ELMO1: variants seen among roughly 807,000 people sequenced by gnomAD.
The protein encoded by ELMO1 is engulfment and cell motility 1, also known as engulfment and cell motility protein 1.
ELMO1 carries 26 observed loss-of-function variants against 98.9 expected under a neutral mutation model. The observed-to-expected ratio is 0.26, with a 90% CI of 0.19 to 0.36. The LOEUF is 0.36. Ranked by LOEUF, ELMO1 falls within the 10% of genes least tolerant of loss-of-function variation. The probability of loss-of-function intolerance (pLI) is 1.00; values close to 1 mark genes in which losing one functional copy is unlikely to be tolerated. For synonymous variants in ELMO1, 346 were observed against 346.0 expected, an observed-to-expected ratio of 1.00 and a Z score of 0.00; for missense variants, 627 against 935.2, an observed-to-expected ratio of 0.67 and a Z score of 4.30.
At chr7:37,378,230 G>C (rs977988200) in intron 1 of ELMO1, among the ~76,000 whole-genome samples, 3 of 152,192 alleles carry the variant, frequency 2.0e-5, no homozygotes, top group Admixed American at 6.5e-5. Context: ...AGCTGAGCTT[G>C]GGAGTGAACT....
chr7:36,964,203 C>T (rs563096212), intron 16 of ELMO1, among the ~76,000 whole-genome samples: 2 of 152,158 alleles, frequency 1.3e-5, no homozygotes, highest in East Asian at 1.9e-4. Flanking sequence ...ACAAATATTC[C>T]TTGACTTATA....
intron 16 of ELMO1, among the ~76,000 whole-genome samples, chr7:36,993,788 C>A (rs554286200): frequency 1.3e-5 from 2 of 152,142 alleles, no homozygotes; most frequent in African/African-American, 4.8e-5. Context: ...AAAAATGTAT[C>A]CCTACCCCCA....
chr7:37,109,952 G>A (rs917174008), intron 14 of ELMO1, among the ~76,000 whole-genome samples: 26 of 152,326 alleles, frequency 1.7e-4, no homozygotes, highest in African/African-American at 6.3e-4. Flanking sequence ...GGAAGAGAGT[G>A]TTGCAGGCCA....
At chr7:37,322,593 C>A (rs1049024209) in intron 2 of ELMO1, among the ~76,000 whole-genome samples, 1 of 151,220 alleles carries the variant, frequency 6.6e-6, no homozygotes, top group Non-Finnish European at 1.5e-5. Flanking sequence ...TGCACTCCAG[C>A]CTGGGCGACA....
intron 14 of ELMO1, among the ~76,000 whole-genome samples, chr7:37,113,314 G>A (rs76469838): frequency 0.035 from 5,317 of 152,306 alleles, 135 homozygotes; most frequent in East Asian, 0.1. Context: ...CTGGGGTACC[G>A]CAGTGACACC....
intron 8 of ELMO1, among the ~76,000 whole-genome samples, chr7:37,232,039 G>T (rs983885656): frequency 2.0e-5 from 3 of 152,134 alleles, no homozygotes; most frequent in Non-Finnish European, 1.5e-5. Flanking sequence ...TTTTCATAGA[G>T]ACGAGGTTTC....
intron 14 of ELMO1, among the ~76,000 whole-genome samples, chr7:37,117,389 C>G (rs987032558): frequency 6.6e-6 from 1 of 152,174 alleles, no homozygotes; most frequent in Non-Finnish European, 1.5e-5. Context: ...GTGGTGTGAG[C>G]ACACCACGCA....
intron 16 of ELMO1, among the ~76,000 whole-genome samples, chr7:36,983,892 AGAG>A (rs1205266212): frequency 1.3e-5 from 2 of 152,090 alleles, no homozygotes; most frequent in Non-Finnish European, 2.9e-5. Context: ...GGGGGAGCAG[AGAG>A]GAGGTTCATA....
chr7:37,066,919 T>C (rs1199070660), intron 15 of ELMO1, among the ~76,000 whole-genome samples: 1 of 152,200 alleles, frequency 6.6e-6, no homozygotes, highest in African/African-American at 2.4e-5. Flanking sequence ...TCCACTTGCA[T>C]TACCCAGCTA....
In ELMO1 at chr7:37,243,413, A is replaced by T. The variant is rs187457402; in HGVS notation, c.449+943T>A. On this transcript the variant is annotated intron_variant, in intron 7 of 21. Coordinates refer to ENST00000310758, the MANE Select transcript of ELMO1 (RefSeq NM_014800.11). The stretch of plus-strand genomic sequence containing the variant: ...TGTAAACATTGAGACAATGCCCAGG[A>T]TAAAGTCTCATAAAAAGTGGCTTCT... Among the ~76,000 whole-genome samples the T allele has an allele frequency of 9.8e-5, 15 of 152,334 alleles. No individual in the cohort carries two copies. The East Asian group carries it at 2.9e-3, about 29-fold the overall frequency.
chr7:37,006,971 A>G (rs969936697), intron 16 of ELMO1, among the ~76,000 whole-genome samples: 1 of 151,690 alleles, frequency 6.6e-6, no homozygotes, highest in Admixed American at 6.6e-5. Context: ...ATTGCTGTCC[A>G]ACAGAAAGCG....
At chr7:37,244,322 A>C (rs1233237311) in intron 7 of ELMO1, 34 bp downstream of exon 7, 2 of 1,608,764 alleles carry the variant, frequency 1.2e-6, no homozygotes, top group East Asian at 4.5e-5. Context: ...AGGAAGGGTT[A>C]AATCATCAAT....
intron 14 of ELMO1, among the ~76,000 whole-genome samples, chr7:37,132,587 C>T (rs1174507438): frequency 1.3e-5 from 2 of 152,192 alleles, no homozygotes; most frequent in African/African-American, 4.8e-5. Flanking sequence ...GCATCTTCAG[C>T]AGGTGGCATC....
At chr7:37,386,191 G>A (rs12666501) in intron 1 of ELMO1, among the ~76,000 whole-genome samples, 40,066 of 152,116 alleles carry the variant, frequency 0.26, 6,019 homozygotes, top group Admixed American at 0.33. Context: ...GTGAAGAAAC[G>A]GTGTGCAGCC....
At chr7:37,153,583 G>T (rs80000782) in intron 13 of ELMO1, among the ~76,000 whole-genome samples, 1 of 152,192 alleles carries the variant, frequency 6.6e-6, no homozygotes, top group Non-Finnish European at 1.5e-5. Flanking sequence ...GGCAGGGGGA[G>T]GGGTGTCTGC....
intron 8 of ELMO1, among the ~76,000 whole-genome samples, chr7:37,228,025 A>G (rs1793961212): frequency 6.6e-6 from 1 of 152,242 alleles, no homozygotes. Context: ...CACCTGGGGC[A>G]CTCAATGCAT....
At chr7:36,992,496 T>G (rs114799464) in intron 16 of ELMO1, among the ~76,000 whole-genome samples, 57 of 152,114 alleles carry the variant, frequency 3.7e-4, no homozygotes, top group African/African-American at 1.3e-3. Context: ...TGATGAAAAA[T>G]CAAGCCAGAA....
At chr7:37,248,488 A>G (rs973864474) in intron 6 of ELMO1, among the ~76,000 whole-genome samples, 2 of 152,216 alleles carry the variant, frequency 1.3e-5, no homozygotes, top group African/African-American at 4.8e-5. Flanking sequence ...ACAATCTCTG[A>G]CAAAGCCCAA....
chr7:36,885,645 A>G (rs1356333656), intron 18 of ELMO1, among the ~76,000 whole-genome samples: 1 of 152,188 alleles, frequency 6.6e-6, no homozygotes, highest in Non-Finnish European at 1.5e-5. Flanking sequence ...TCCAAAGGCA[A>G]TAAAGACATC....
Sources: gnomAD v4.1 joint callset for allele counts (sites outside exome capture counted in the v4.1 genomes callset) on GRCh38, gnomAD v4.1.1 for gene constraint, MANE v1.5 for transcripts, NCBI Gene and HGNC (gene_info 2026-07-23, HGNC 2026-07-21) for gene names.